Variants in GAD1 observed in about 807,000 individuals in gnomAD.
GAD1 encodes glutamate decarboxylase 1.
Under a neutral mutation model 75.2 loss-of-function variants are expected in GAD1, and 35 were observed. That is an observed-to-expected ratio of 0.47 (90% CI 0.36 to 0.62). The LOEUF (loss-of-function observed/expected upper bound fraction) is 0.62. Ranked by LOEUF, GAD1 falls within the 20% of genes least tolerant of loss-of-function variation. The probability of loss-of-function intolerance (pLI) is 0.00; values close to 1 mark genes in which losing one functional copy is unlikely to be tolerated. For missense variants in GAD1, 490 were observed against 758.5 expected, an observed-to-expected ratio of 0.65 and a Z score of 4.16; for synonymous variants, 257 against 271.9, an observed-to-expected ratio of 0.95 and a Z score of 0.54.
chr2:170,846,245 G>C (rs1302353422), intron 10 of GAD1, among the ~76,000 whole-genome samples, 182 bp downstream of exon 10: 2 of 151,970 alleles, frequency 1.3e-5, no homozygotes, highest in Non-Finnish European at 2.9e-5. Flanking sequence ...ACAATATCAG[G>C]GTTTTTTTAA....
chr2:170,851,033 AAG>A (rs906760999), intron 12 of GAD1, among the ~76,000 whole-genome samples: 12 of 152,116 alleles, frequency 7.9e-5, no homozygotes, highest in African/African-American at 2.9e-4. Context: ...AGAAAAAAAA[AAG>A]AACTGTGGAT....
intron 6 of GAD1, chr2:170,842,482 G>A (rs1038464047): frequency 1.7e-6 from 2 of 1,190,540 alleles, no homozygotes; most frequent in Non-Finnish European, 2.5e-6. Context: ...TTCAAGAATG[G>A]TTAAAAGCCC....
intron 3 of GAD1, chr2:170,828,897 C>A: frequency 5.1e-6 from 1 of 197,840 alleles, no homozygotes; most frequent in Non-Finnish European, 1.0e-5. Flanking sequence ...CTGTGGTCCT[C>A]ACTCTCCTTC....
intron 3 of GAD1, among the ~76,000 whole-genome samples, chr2:170,827,611 C>T (rs1199466127): frequency 5.3e-5 from 8 of 152,136 alleles, no homozygotes; most frequent in South Asian, 2.1e-4. Flanking sequence ...CCACTCACTC[C>T]GAGGGGCAGA....
At chr2:170,856,170 A>G (rs578087896) in intron 14 of GAD1, among the ~76,000 whole-genome samples, 1 of 152,276 alleles carries the variant, frequency 6.6e-6, no homozygotes, top group African/African-American at 2.4e-5. Context: ...CCCATTAGCA[A>G]TCCACAGCCA....
intron 3 of GAD1, among the ~76,000 whole-genome samples, chr2:170,823,808 G>A (rs543768758): frequency 0.043 from 6,514 of 152,278 alleles, 194 homozygotes; most frequent in Middle Eastern, 0.099. Flanking sequence ...CCGAGGACAG[G>A]GTAGGGGCAG....
chr2:170,815,648 G>T (rs886961683), upstream of GAD1, among the ~76,000 whole-genome samples: 5 of 152,148 alleles, frequency 3.3e-5, no homozygotes, highest in African/African-American at 1.2e-4. Flanking sequence ...GAGGACCACG[G>T]TAAATACCAG....
intron 14 of GAD1, 93 bp downstream of exon 14, chr2:170,854,115 A>G: frequency 7.9e-7 from 1 of 1,269,186 alleles, no homozygotes; most frequent in East Asian, 2.3e-5. Context: ...CAGATAATTC[A>G]CTATATGGGG....
intron 6 of GAD1, among the ~76,000 whole-genome samples, chr2:170,840,426 A>G (rs1702484874): frequency 6.6e-6 from 1 of 152,250 alleles, no homozygotes; most frequent in South Asian, 2.1e-4. Flanking sequence ...GGATAGAGTC[A>G]GCATGGAAGA....
rs1376819464 is a variant in GAD1, at chr2:170,860,891, G to A, written c.*1009G>A. The A allele has an allele frequency of 6.6e-6, 1 of 152,612 alleles. No homozygotes were observed. Among genetic ancestry groups the A allele is most frequent in the Non-Finnish European group, 1.5e-5 (1 of 68,028 alleles). The allele number at this position is 152,612 out of a possible 1,614,324, so 9.5% of individuals were successfully genotyped here. ...TCTTACGCTCTCTGTCTGGCTGTAC[G>A]TCTGGTGTTCTCAATGCTTTTCTAG... On this transcript the variant is annotated 3_prime_UTR_variant, in exon 17 of 17. Transcript: ENST00000358196.
At chr2:170,832,659 C>CGT (rs1226816720) in intron 5 of GAD1, among the ~76,000 whole-genome samples, 3 of 41,722 alleles carry the variant, frequency 7.2e-5, no homozygotes, top group Non-Finnish European at 1.4e-4. Flanking sequence ...CATGCGCGCG[C>CGT]GCGCGCACAC....
intron 5 of GAD1, among the ~76,000 whole-genome samples, chr2:170,831,413 GATAAAAAAGAT>G (rs1331931992): frequency 6.6e-6 from 1 of 152,032 alleles, no homozygotes; most frequent in African/African-American, 2.4e-5. Flanking sequence ...GGTAAAAGTA[GATAAAAAAGAT>G]ATAAATGCTT....
At chr2:170,820,113 C>T (rs1284928516) in intron 2 of GAD1, among the ~76,000 whole-genome samples, 1 of 152,052 alleles carries the variant, frequency 6.6e-6, no homozygotes, top group Non-Finnish European at 1.5e-5. Context: ...GTGCTTTCGC[C>T]TTGATGGATT....
Position 170,817,456 on chromosome 2 carries a change from GC to G in GAD1, c.-64+411del, listed in dbSNP as rs1180928166. 4 of 152,134 alleles carry G rather than the reference GC, an allele frequency of 2.6e-5. No homozygotes were observed. The East Asian group carries it at 7.7e-4, about 29-fold the overall frequency. 9.4% of individuals were successfully genotyped at this position (152,134 alleles called of 1,614,324 possible). On this transcript the variant is annotated intron_variant, in intron 1 of 16. Transcript: ENST00000358196. ...TTCCAGGGGCCGTAGTCGACCCGCT[GC>G]CCGAGTTGCTGTGCGACTGCGCGCG...
intron 2 of GAD1, among the ~76,000 whole-genome samples, chr2:170,819,100 C>T (rs1301329080): frequency 6.6e-6 from 1 of 152,216 alleles, no homozygotes; most frequent in Admixed American, 6.5e-5. Context: ...CTCCTTTCCC[C>T]CTGGGCTGTG....
intron 15 of GAD1, among the ~76,000 whole-genome samples, chr2:170,857,779 A>T (rs1213830781): frequency 6.6e-6 from 1 of 152,228 alleles, no homozygotes; most frequent in African/African-American, 2.4e-5. Flanking sequence ...CATACTGCAC[A>T]CAGCAAAGTA....
chr2:170,827,372 C>A (rs1307129654), intron 3 of GAD1, among the ~76,000 whole-genome samples: 1 of 152,202 alleles, frequency 6.6e-6, no homozygotes, highest in Non-Finnish European at 1.5e-5. Flanking sequence ...AAGCTTAGAA[C>A]CTTTTTCCTC....
Position 170,818,820 on chromosome 2 carries a change from C to T in GAD1, c.82+147C>T, listed in dbSNP as rs966853257. ...AAATGGGGCTCTGACCCCGTCCCTG[C>T]CAGAGGTCATTCGGCTGTCAGGGAC... On this transcript the variant is annotated intron_variant, in intron 2 of 16. Transcript: ENST00000358196. This position sits in a 1 kb window ranked among gnomAD's most constrained non-coding sequence, Gnocchi z 5.9. 75 of 804,902 alleles carry T rather than the reference C, an allele frequency of 9.3e-5. No individual in the cohort carries two copies. In the African/African-American group the frequency reaches 1.2e-3, roughly 12 times the overall value. 49.9% of individuals were successfully genotyped at this position (804,902 alleles called of 1,614,324 possible). A position where few individuals can be genotyped will look rare whatever the true frequency, so the allele number is the denominator to read the frequency against.
intron 2 of GAD1, chr2:170,821,661 T>C: frequency 5.4e-6 from 1 of 185,760 alleles, no homozygotes; most frequent in Non-Finnish European, 1.1e-5. Flanking sequence ...CGGTCCCAGA[T>C]GCCTGTGTTC....
Sources: allele counts gnomAD v4.1 joint callset (sites outside exome capture counted in the v4.1 genomes callset), GRCh38; gene constraint gnomAD v4.1.1; non-coding constraint Gnocchi (gnomAD v3.1); transcripts MANE v1.5; gene names NCBI Gene and HGNC (gene_info 2026-07-23, HGNC 2026-07-21).